The following SNRPG variants were observed in gnomAD, a reference collection of about 807,000 sequenced individuals.
SNRPG encodes small nuclear ribonucleoprotein polypeptide G.
A neutral mutation model predicts 13.9 loss-of-function variants in SNRPG; 3 were observed. The ratio of observed to expected loss-of-function variants is 0.22; its 90% confidence interval spans 0.10 to 0.56. The LOEUF (loss-of-function observed/expected upper bound fraction) is 0.56. SNRPG is among the 20% of genes least tolerant of loss of function. The pLI, the probability that SNRPG is intolerant of heterozygous loss-of-function variation, is 0.93. For missense variants in SNRPG, 34 were observed against 96.1 expected, an observed-to-expected ratio of 0.35 and a Z score of 2.70; for synonymous variants, 29 against 29.3, an observed-to-expected ratio of 0.99 and a Z score of 0.03.
At chr2:70,293,342 G>C in intron 1 of SNRPG, 1 of 637,080 alleles carries the variant, frequency 1.6e-6, no homozygotes, top group Admixed American at 2.5e-5. Flanking sequence ...AGGAACGAGG[G>C]ACAGCGCCGG....
At chr2:70,287,432 A>G (rs1049450699) in intron 3 of SNRPG, 10 of 682,466 alleles carry the variant, frequency 1.5e-5, no homozygotes, top group East Asian at 8.2e-5. Context: ...AGCAATCACT[A>G]AAACTACGGC....
At chr2:70,289,313 A>G (rs1359552061) in intron 2 of SNRPG, 37 bp downstream of exon 2, 19 of 1,268,710 alleles carry the variant, frequency 1.5e-5, no homozygotes, top group Non-Finnish European at 1.9e-5. Context: ...AAGCAATTAA[A>G]TAATTAAAAA....
At chr2:70,281,928 A>AT (rs1696796967) in intron 3 of SNRPG, among the ~76,000 whole-genome samples, 3 of 151,656 alleles carry the variant, frequency 2.0e-5, no homozygotes, top group Non-Finnish European at 4.4e-5. Context: ...GACTAATTTC[A>AT]CCTTTTTTTT....
chr2:70,293,434 C>A, intron 1 of SNRPG, 184 bp downstream of exon 1: 1 of 677,762 alleles, frequency 1.5e-6, no homozygotes, highest in Non-Finnish European at 2.7e-6. Context: ...ACCACACCGA[C>A]GCGCGAGCTC....
At chr2:70,291,632 G>A (rs1045585675) in intron 1 of SNRPG, among the ~76,000 whole-genome samples, 1 of 152,100 alleles carries the variant, frequency 6.6e-6, no homozygotes, top group Non-Finnish European at 1.5e-5. Context: ...TGTAAAAGAA[G>A]ATGCTATCTG....
chr2:70,283,113 AAAAAAAAAAAAC>A (rs1221614419), intron 3 of SNRPG, among the ~76,000 whole-genome samples: 1 of 147,816 alleles, frequency 6.8e-6, no homozygotes, highest in African/African-American at 2.5e-5. Flanking sequence ...AAAAAAAAAA[AAAAAAAAAAAAC>A]AACAAACCAA....
chr2:70,287,897 G>A (rs1696982212), intron 3 of SNRPG, 171 bp downstream of exon 3: 1 of 626,478 alleles, frequency 1.6e-6, no homozygotes, highest in South Asian at 1.9e-5. Flanking sequence ...TTACCTACAG[G>A]TAACCAGGAT....
rs1306633994 is a variant in SNRPG, at chr2:70,281,501, G to A, written c.*133C>T. ...TTCTATATTCAGAACATCTGAGAAA[G>A]CATTTTTGACTATTACAAAAGTTTA... On this transcript the variant is annotated 3_prime_UTR_variant, in exon 4 of 4. Coordinates refer to ENST00000272348, the MANE Select transcript of SNRPG (RefSeq NM_003096.4). The A allele has an allele frequency of 2.1e-6, 1 of 481,174 alleles. No homozygotes were observed. The highest frequency in any genetic ancestry group is 2.0e-5 in the African/African-American group (1 of 49,868). The allele number at this position is 481,174 out of a possible 1,614,324, so 29.8% of individuals were successfully genotyped here.
At chr2:70,293,499 G>T in intron 1 of SNRPG, 119 bp downstream of exon 1, 1 of 936,252 alleles carries the variant, frequency 1.1e-6, no homozygotes, top group Middle Eastern at 2.1e-4. Context: ...CGGCGACCTC[G>T]GACCGGAAGA....
chr2:70,287,666 T>TA (rs779385335), intron 3 of SNRPG: 32 of 416,544 alleles, frequency 7.7e-5, no homozygotes, highest in Non-Finnish European at 1.3e-4. Flanking sequence ...CATTAGGCAT[T>TA]AGTAGAAATG....
At chr2:70,281,729 A>G in intron 3 of SNRPG, 45 bp from the exon 4 acceptor site, 1 of 991,642 alleles carries the variant, frequency 1.0e-6, no homozygotes, top group Non-Finnish European at 1.6e-6. Flanking sequence ...CTCAGGTAAC[A>G]GACATAACTA....
At chr2:70,285,907 C>T (rs181448556) in intron 3 of SNRPG, among the ~76,000 whole-genome samples, 3 of 152,276 alleles carry the variant, frequency 2.0e-5, no homozygotes, top group African/African-American at 7.2e-5. Context: ...CATTAGGTAA[C>T]GATCCAACTG....
At position 70,284,996 on chromosome 2, in the gene SNRPG, C is replaced by T. The variant is rs910267156; in HGVS notation, c.180+3072G>A. On this transcript the variant is annotated intron_variant, in intron 3 of 3. Transcript: ENST00000272348. ...GTGGATTATCCTTTGTCTAGCATCT[C>T]CATGCTGCCCATTAATCAGTTATCT... Among the ~76,000 whole-genome samples, 13 of 152,248 alleles carry T rather than the reference C, an allele frequency of 8.5e-5. No individual in the cohort carries two copies. The East Asian group carries it at 2.5e-3, about 29-fold the overall frequency.
At chr2:70,292,209 G>C (rs1697118719) in intron 1 of SNRPG, among the ~76,000 whole-genome samples, 1 of 152,104 alleles carries the variant, frequency 6.6e-6, no homozygotes, top group Non-Finnish European at 1.5e-5. Flanking sequence ...GCCTCCCAAA[G>C]TGCTGGGATT....
rs571276699 is a variant in SNRPG, at chr2:70,293,492, C to G, written c.32+126G>C. 69 of 888,536 alleles carry G rather than the reference C, an allele frequency of 7.8e-5. No individual in the cohort carries two copies. In the African/African-American group the frequency reaches 9.3e-4, roughly 12 times the overall value. The allele number at this position is 888,536 out of a possible 1,614,324, so 55.0% of individuals were successfully genotyped here. ...CGCGGGAGCCTGGCCGGGATCCCGGCGACCTCGGACCGGAAGAAGAAATGA... is the reference window on the plus strand; with the variant it reads ...CGCGGGAGCCTGGCCGGGATCCCGGGGACCTCGGACCGGAAGAAGAAATGA... On this transcript the variant is annotated intron_variant, in intron 1 of 3. Transcript: ENST00000272348.
intron 1 of SNRPG, among the ~76,000 whole-genome samples, chr2:70,290,117 T>C (rs989061401): frequency 6.6e-6 from 1 of 151,764 alleles, no homozygotes; most frequent in Non-Finnish European, 1.5e-5. Context: ...GCCGCTGGGA[T>C]TACACAGGCA....
At chr2:70,284,429 G>C (rs1173988560) in intron 3 of SNRPG, among the ~76,000 whole-genome samples, 2 of 152,100 alleles carry the variant, frequency 1.3e-5, no homozygotes, top group African/African-American at 4.8e-5. Flanking sequence ...TGTCACCCAA[G>C]CTGGAATGCA....
intron 1 of SNRPG, among the ~76,000 whole-genome samples, chr2:70,289,672 G>C (rs1042823957): frequency 1.3e-5 from 2 of 152,182 alleles, no homozygotes; most frequent in Middle Eastern, 3.4e-3. Context: ...TTAGCTGGGG[G>C]TGGTGGCACA....
chr2:70,292,447 A>G (rs1011735648), intron 1 of SNRPG, among the ~76,000 whole-genome samples: 2 of 152,158 alleles, frequency 1.3e-5, no homozygotes, highest in Non-Finnish European at 2.9e-5. Context: ...TCCCGGGTTC[A>G]AGCGATTCTC....
Sources: allele counts gnomAD v4.1 joint callset (sites outside exome capture counted in the v4.1 genomes callset), GRCh38; gene constraint gnomAD v4.1.1; transcripts MANE v1.5; gene names NCBI Gene and HGNC (gene_info 2026-07-23, HGNC 2026-07-21).